Variants in IFT122 observed in about 807,000 individuals in gnomAD.
The protein encoded by IFT122 is intraflagellar transport 122, also known as intraflagellar transport protein 122 homolog.
Under a neutral mutation model 161.6 loss-of-function variants are expected in IFT122, and 118 were observed. That is an observed-to-expected ratio of 0.73 (90% confidence interval 0.63 to 0.85). The LOEUF is 0.85. Among genes scored for constraint, IFT122 ranks in the 40% least tolerant of loss-of-function variants. The pLI, the probability that IFT122 is intolerant of heterozygous loss-of-function variation, is 0.00. For synonymous variants in IFT122, 550 were observed against 602.4 expected, an observed-to-expected ratio of 0.91 and a Z score of 1.27; for missense variants, 1,381 against 1,579.6, an observed-to-expected ratio of 0.87 and a Z score of 2.13.
chr3:129,492,912 A>C (rs1396334890), intron 17 of IFT122, among the ~76,000 whole-genome samples: 2 of 146,580 alleles, frequency 1.4e-5, no homozygotes, highest in African/African-American at 5.1e-5. Context: ...TAGACCTCCC[A>C]GGCTCAAATG....
At chr3:129,473,102 A>G (rs1387100501) in intron 9 of IFT122, among the ~76,000 whole-genome samples, 1 of 152,174 alleles carries the variant, frequency 6.6e-6, no homozygotes, top group African/African-American at 2.4e-5. Flanking sequence ...GGAGTTCAAG[A>G]CTAGCCTGGG....
At chr3:129,456,520 C>T (rs2075513603) in intron 3 of IFT122, among the ~76,000 whole-genome samples, 1 of 152,000 alleles carries the variant, frequency 6.6e-6, no homozygotes, top group African/African-American at 2.4e-5. Flanking sequence ...GCCTGTAATC[C>T]CAACTACTTG....
chr3:129,505,021 C>G (rs2082045694), intron 21 of IFT122, among the ~76,000 whole-genome samples: 1 of 152,236 alleles, frequency 6.6e-6, no homozygotes, highest in South Asian at 2.1e-4. Flanking sequence ...ACAACAGCAT[C>G]TGAAATAGGA....
chr3:129,516,307 CAGAGACTGCCCCTGCACACACACAG>C (rs2083581792), intron 26 of IFT122, among the ~76,000 whole-genome samples: 1 of 119,616 alleles, frequency 8.4e-6, no homozygotes, highest in Non-Finnish European at 1.6e-5. Flanking sequence ...CACACACACA[CAGAGACTGCCCCTGCACACACACAG>C]AGACTGCCCC....
chr3:129,509,029 T>C (rs2082486630), intron 23 of IFT122, among the ~76,000 whole-genome samples: 1 of 152,176 alleles, frequency 6.6e-6, no homozygotes, highest in Non-Finnish European at 1.5e-5. Flanking sequence ...GATCATGACC[T>C]TTTTTTGGTG....
In IFT122 at chr3:129,514,516, A is replaced by G; in HGVS notation, c.3115A>G (p.Thr1039Ala). The change falls in exon 25 of 30, where the codon ACC (threonine) becomes GCC (alanine). Residue 1039 changes from threonine to alanine, a missense_variant. This residue lies in a region of IFT122 where 496 missense variants were observed against 502.5 expected (regional missense o/e 0.99). Coordinates refer to ENST00000348417, the MANE Select transcript of IFT122 (RefSeq NM_052989.3). ...ATTCCAAAAGTCCATTGAGCTGGGT[A>G]CCCTGACCATCCGCGCCAAGCCCTT... ...ARFQKSIELG[T>A]LTIRAKPFHD... 3 of 1,614,174 alleles carry G rather than the reference A, an allele frequency of 1.9e-6. No homozygotes were observed. The highest frequency in any genetic ancestry group is 1.6e-4 in the Middle Eastern group (1 of 6,062).
chr3:129,494,587 C>T (rs1248218496), intron 17 of IFT122, among the ~76,000 whole-genome samples: 2 of 152,122 alleles, frequency 1.3e-5, no homozygotes, highest in South Asian at 2.1e-4. Flanking sequence ...TGCTAGGGCT[C>T]AGGGTTTGGG....
At chr3:129,504,520 C>T (rs2081986270) in intron 21 of IFT122, 99 bp downstream of exon 21, 1 of 919,214 alleles carries the variant, frequency 1.1e-6, no homozygotes, top group Admixed American at 1.8e-5. Flanking sequence ...ATCTGTAGAT[C>T]CCAAGATAGA....
chr3:129,496,238 C>T (rs898381838), intron 18 of IFT122, among the ~76,000 whole-genome samples: 5 of 152,006 alleles, frequency 3.3e-5, no homozygotes, highest in African/African-American at 1.2e-4. Context: ...CAGAGCTGGG[C>T]CTTTTAAGGC....
At chr3:129,502,964 G>C (rs2081757608) in intron 20 of IFT122, 82 bp downstream of exon 20, 3 of 1,376,500 alleles carry the variant, frequency 2.2e-6, no homozygotes, top group South Asian at 2.4e-5. Flanking sequence ...GCCCTTTGGG[G>C]TTCAGATGGA....
intron 24 of IFT122, chr3:129,513,886 C>CAGGCA (rs59023143): frequency 7.4e-6 from 2 of 271,804 alleles, no homozygotes; most frequent in Non-Finnish European, 1.4e-5. Flanking sequence ...CCCCAGAGCA[C>CAGGCA]AGGCTGCCGC....
intron 13 of IFT122, 109 bp from the exon 14 acceptor site, chr3:129,481,421 A>G (rs2078628550): frequency 7.3e-6 from 7 of 962,052 alleles, no homozygotes; most frequent in East Asian, 2.5e-5. Flanking sequence ...CTTCTGGTGA[A>G]GGTGGTGGGA....
At chr3:129,440,497 C>G (rs923753741) in intron 1 of IFT122, 126 bp downstream of exon 1, 23 of 1,150,468 alleles carry the variant, frequency 2.0e-5, no homozygotes, top group Non-Finnish European at 2.7e-5. Context: ...GAACCCCGGC[C>G]TGGGAGACTG....
At chr3:129,483,391 A>C in intron 14 of IFT122, 94 bp from the exon 15 acceptor site, 1 of 1,035,408 alleles carries the variant, frequency 9.7e-7, no homozygotes, top group Non-Finnish European at 1.5e-6. Context: ...ATTTAGTGGG[A>C]TTCAGTCTTT....
intron 19 of IFT122, among the ~76,000 whole-genome samples, chr3:129,500,617 C>G (rs767950983): frequency 5.3e-5 from 8 of 152,240 alleles, no homozygotes; most frequent in South Asian, 2.1e-4. Context: ...TTAGGAGACA[C>G]TCTTTCCATG....
intron 9 of IFT122, chr3:129,475,996 T>C (rs1015502576): frequency 2.4e-6 from 1 of 419,318 alleles, no homozygotes; most frequent in South Asian, 2.4e-5. Flanking sequence ...GGGGGGCCTT[T>C]GGGAACAAAA....
In IFT122 at chr3:129,515,567, G is replaced by T. The variant is rs1269892119; in HGVS notation, c.3233G>T (p.Arg1078Leu). The T allele has an allele frequency of 1.8e-5, 28 of 1,539,130 alleles. No individual in the cohort carries two copies. Among genetic ancestry groups the T allele is most frequent in the Non-Finnish European group, 2.2e-5 (25 of 1,115,022 alleles). ...CTGGGCAACGTCTGCATCAACTGCC[G>T]CCAGCCCTTCATCTTCTCCGCCTCT... is the stretch of plus-strand genomic sequence containing the variant. ...NNLGNVCINCRQPFIFSASSY... is the reference protein window; with the variant it reads ...NNLGNVCINCLQPFIFSASSY... The change falls in exon 26 of 30, where the codon CGC (arginine) becomes CTC (leucine). Residue 1078 changes from arginine (R) to leucine (L), a missense_variant. Arg to Leu is a moderately radical substitution (Grantham distance 102). Coordinates refer to ENST00000348417, the MANE Select transcript of IFT122 (RefSeq NM_052989.3).
chr3:129,463,737 G>A, intron 6 of IFT122, 111 bp downstream of exon 6: 1 of 853,210 alleles, frequency 1.2e-6, no homozygotes, highest in South Asian at 1.4e-5. Context: ...AGTTGGTTTA[G>A]GCCCCTGTAT....
At chr3:129,507,921 C>G (rs1284350118) in intron 23 of IFT122, among the ~76,000 whole-genome samples, 159 bp downstream of exon 23, 1 of 152,224 alleles carries the variant, frequency 6.6e-6, no homozygotes, top group East Asian at 1.9e-4. Flanking sequence ...GTTTGAGTTT[C>G]TTTGATTGAC....
Sources: gnomAD v4.1 joint callset for allele counts (sites outside exome capture counted in the v4.1 genomes callset) on GRCh38, gnomAD v4.1.1 for gene constraint, gnomAD v4.1.1 regional missense constraint, MANE v1.5 for transcripts, NCBI Gene and HGNC (gene_info 2026-07-23, HGNC 2026-07-21) for gene names.